SLC24A3: variants seen among roughly 807,000 people sequenced by gnomAD.
The protein encoded by SLC24A3 is sodium/potassium/calcium exchanger 3.
In SLC24A3, 28 loss-of-function variants were observed where a neutral mutation model predicts 75.8. The observed-to-expected ratio is 0.37, with a 90% CI of 0.27 to 0.51. The LOEUF is 0.51. SLC24A3 is among the 20% of genes least tolerant of loss of function. SLC24A3 has a pLI of 0.94. For synonymous variants in SLC24A3, 372 were observed against 334.1 expected, an observed-to-expected ratio of 1.11 and a Z score of -1.24; for missense variants, 663 against 847.8, an observed-to-expected ratio of 0.78 and a Z score of 2.71.
At chr20:19,542,058 G>A (rs1276280366) in intron 3 of SLC24A3, among the ~76,000 whole-genome samples, 1 of 152,182 alleles carries the variant, frequency 6.6e-6, no homozygotes, top group Non-Finnish European at 1.5e-5. Context: ...AAATGAAGGG[G>A]GGACCTGCAG....
rs113392847 is a variant in SLC24A3, at chr20:19,347,237, T to C, written c.271+66150T>C. Among the ~76,000 whole-genome samples, 1,280 of 152,278 alleles carry C rather than the reference T, an allele frequency of 8.4e-3. 19 individuals carry two copies. The highest frequency in any genetic ancestry group is 0.028 in the African/African-American group (1,181 of 41,554). On this transcript the variant is annotated intron_variant, in intron 2 of 16. Coordinates refer to ENST00000328041, the MANE Select transcript of SLC24A3 (RefSeq NM_020689.4). ...GGGGTAGGGAGGAAGGAGGGATAAC[T>C]AGGTGGAGTGTAGAGGGTTTTTAAG...
At chr20:19,494,960 G>C (rs964926316) in intron 2 of SLC24A3, among the ~76,000 whole-genome samples, 1 of 152,184 alleles carries the variant, frequency 6.6e-6, no homozygotes, top group Admixed American at 6.5e-5. Context: ...AGAGAAACAG[G>C]ATCAGGCAGG....
intron 1 of SLC24A3, among the ~76,000 whole-genome samples, chr20:19,270,835 A>G (rs191027791): frequency 2.0e-3 from 305 of 152,238 alleles, no homozygotes; most frequent in African/African-American, 7.2e-3. Flanking sequence ...ATACTAGAAG[A>G]GAGGAGAGAG....
intron 2 of SLC24A3, among the ~76,000 whole-genome samples, chr20:19,359,531 T>A (rs1985749293): frequency 1.3e-5 from 2 of 152,150 alleles, no homozygotes; most frequent in East Asian, 3.9e-4. Flanking sequence ...TCAGGGAAAA[T>A]GAGCATGTCC....
intron 2 of SLC24A3, among the ~76,000 whole-genome samples, chr20:19,430,827 CACATGCAGGT>C (rs1987089281): frequency 6.6e-6 from 1 of 152,172 alleles, no homozygotes; most frequent in African/African-American, 2.4e-5. Context: ...CACGTGCACA[CACATGCAGGT>C]ACACACTCAC....
chr20:19,543,460 T>C (rs2030536397), intron 3 of SLC24A3, among the ~76,000 whole-genome samples: 1 of 152,242 alleles, frequency 6.6e-6, no homozygotes, highest in African/African-American at 2.4e-5. Flanking sequence ...CAGTGAGTAC[T>C]TACTGATATC....
At chr20:19,582,402 C>T (rs1039764455) in intron 4 of SLC24A3, among the ~76,000 whole-genome samples, 3 of 152,230 alleles carry the variant, frequency 2.0e-5, no homozygotes, top group African/African-American at 7.2e-5. Context: ...GAAATCCACA[C>T]TGTGCAACGA....
At chr20:19,623,551 C>T (rs1218099665) in intron 6 of SLC24A3, among the ~76,000 whole-genome samples, 1 of 152,142 alleles carries the variant, frequency 6.6e-6, no homozygotes, top group Non-Finnish European at 1.5e-5. Context: ...TAACCACTAG[C>T]CACATATGGC....
chr20:19,240,877 C>A (rs1982309015), intron 1 of SLC24A3, among the ~76,000 whole-genome samples: 1 of 152,194 alleles, frequency 6.6e-6, no homozygotes, highest in East Asian at 1.9e-4. Flanking sequence ...CTAAGCAAGG[C>A]AGCTTCTCTG....
chr20:19,383,870 C>T (rs1986225565), intron 2 of SLC24A3, among the ~76,000 whole-genome samples: 1 of 152,172 alleles, frequency 6.6e-6, no homozygotes, highest in African/African-American at 2.4e-5. Context: ...ATGCCACCCT[C>T]TTAACCTAAT....
intron 6 of SLC24A3, among the ~76,000 whole-genome samples, chr20:19,585,930 A>G (rs2031288652): frequency 6.6e-6 from 1 of 152,212 alleles, no homozygotes; most frequent in Non-Finnish European, 1.5e-5. Context: ...AATCTGCTAA[A>G]CACAATGAGA....
At chr20:19,392,615 A>G (rs1356238903) in intron 2 of SLC24A3, among the ~76,000 whole-genome samples, 2 of 152,166 alleles carry the variant, frequency 1.3e-5, no homozygotes, top group Non-Finnish European at 2.9e-5. Context: ...CTCCCATGGT[A>G]ATGATATTGT....
At chr20:19,226,726 T>C (rs1359391812) in intron 1 of SLC24A3, among the ~76,000 whole-genome samples, 2 of 152,194 alleles carry the variant, frequency 1.3e-5, no homozygotes, top group Non-Finnish European at 2.9e-5. Flanking sequence ...CCAATTTACA[T>C]GCGAAGAAAA....
At chr20:19,356,493 T>G (rs1188917891) in intron 2 of SLC24A3, among the ~76,000 whole-genome samples, 3 of 152,220 alleles carry the variant, frequency 2.0e-5, no homozygotes, top group South Asian at 4.1e-4. Flanking sequence ...TTTTGTGAGG[T>G]TTATCTGTGT....
intron 2 of SLC24A3, among the ~76,000 whole-genome samples, chr20:19,338,376 C>T (rs1157211131): frequency 6.6e-6 from 1 of 152,180 alleles, no homozygotes; most frequent in Admixed American, 6.5e-5. Context: ...CTGACATTCT[C>T]ACAAGTTCCA....
chr20:19,719,678 T>C (rs2033081908), intron 16 of SLC24A3, among the ~76,000 whole-genome samples: 1 of 152,220 alleles, frequency 6.6e-6, no homozygotes, highest in African/African-American at 2.4e-5. Context: ...CAGTGGTCTC[T>C]AATTTAAAAT....
At chr20:19,467,018 G>A (rs762285152) in intron 2 of SLC24A3, among the ~76,000 whole-genome samples, 5 of 152,204 alleles carry the variant, frequency 3.3e-5, no homozygotes, top group Non-Finnish European at 7.3e-5. Context: ...TCGAGGTAAT[G>A]ACAGTACAGG....
chr20:19,524,104 A>T (rs2030153267), intron 3 of SLC24A3, among the ~76,000 whole-genome samples: 1 of 152,146 alleles, frequency 6.6e-6, no homozygotes, highest in African/African-American at 2.4e-5. Context: ...CCCCAAAGGA[A>T]TAAGCCCTCG....
intron 1 of SLC24A3, among the ~76,000 whole-genome samples, chr20:19,276,587 A>G (rs1463632910): frequency 6.6e-6 from 1 of 152,198 alleles, no homozygotes; most frequent in African/African-American, 2.4e-5. Flanking sequence ...AAATACAGCA[A>G]AGGGACAGTA....
Sources: gnomAD v4.1 joint callset for allele counts (sites outside exome capture counted in the v4.1 genomes callset) on GRCh38, gnomAD v4.1.1 for gene constraint, MANE v1.5 for transcripts, NCBI Gene and HGNC (gene_info 2026-07-23, HGNC 2026-07-21) for gene names.